The following COL4A2 variants were observed in gnomAD, a reference collection of about 807,000 sequenced individuals.
COL4A2 encodes collagen alpha-2(IV) chain.
COL4A2 carries 99 observed loss-of-function variants against 200.2 expected under a neutral mutation model. That is an observed-to-expected ratio of 0.49 (90% CI 0.42 to 0.58). The LOEUF is 0.58. Ranked by LOEUF, COL4A2 falls within the 20% of genes least tolerant of loss-of-function variation. COL4A2 has a pLI of 0.00. For synonymous variants in COL4A2, 897 were observed against 900.6 expected (o/e 1.00, Z 0.07); for missense variants, 1,950 against 2,314.1 (o/e 0.84, Z 3.23).
chr13:110,460,254 A>G (rs888536931), intron 22 of COL4A2, among the ~76,000 whole-genome samples: 5 of 152,182 alleles, frequency 3.3e-5, no homozygotes, highest in African/African-American at 4.8e-5. Context: ...CAACTGCTTC[A>G]TGGCACGGAG....
At chr13:110,346,711 G>A (rs959840912) in intron 3 of COL4A2, among the ~76,000 whole-genome samples, 2 of 151,732 alleles carry the variant, frequency 1.3e-5, no homozygotes, top group Non-Finnish European at 2.9e-5. Flanking sequence ...GACGGCTGAC[G>A]ACGGCCCCAC....
rs886049968 is a variant in COL4A2 at position 110,428,462 on chromosome 13, C to T, written c.361-5C>T. 1.3e-6 allele frequency: 2 copies of T among 1,562,348 alleles called. No individual in the cohort carries two copies. The highest frequency in any genetic ancestry group is 3.4e-4 in the Middle Eastern group (2 of 5,930). ...GGCTGATTCTCTCACTGCTCTCTTT[C>T]CCAGGGACACCCGGGGCAAGGTGGG... On this transcript the variant is annotated splice_polypyrimidine_tract_variant and splice_region_variant and intron_variant, in intron 6 of 47. Coordinates refer to ENST00000360467, the MANE Select transcript of COL4A2 (RefSeq NM_001846.4).
chr13:110,389,957 C>T (rs1176583581), intron 4 of COL4A2, among the ~76,000 whole-genome samples: 2 of 151,872 alleles, frequency 1.3e-5, no homozygotes, highest in Non-Finnish European at 2.9e-5. Context: ...TTCCTAAGTT[C>T]GATAATAGCA....
intron 4 of COL4A2, among the ~76,000 whole-genome samples, chr13:110,422,166 A>C (rs1034352203): frequency 4.6e-5 from 7 of 152,230 alleles, no homozygotes; most frequent in African/African-American, 1.7e-4. Context: ...GCAGGCCTCA[A>C]CATAGTGAGG....
At chr13:110,390,038 G>A (rs1011337212) in intron 4 of COL4A2, among the ~76,000 whole-genome samples, 7 of 152,178 alleles carry the variant, frequency 4.6e-5, no homozygotes, top group African/African-American at 1.4e-4. Context: ...ATTGGCATGG[G>A]ATGATTTAAG....
At chr13:110,393,004 TCA>T (rs1179347263) in intron 4 of COL4A2, among the ~76,000 whole-genome samples, 1 of 152,222 alleles carries the variant, frequency 6.6e-6, no homozygotes, top group Non-Finnish European at 1.5e-5. Flanking sequence ...GAGCGAGAAC[TCA>T]CAGTGATTCA....
In COL4A2 at chr13:110,326,915, T is replaced by A. The variant is rs1594147740; in HGVS notation, c.99+18792T>A. Among the ~76,000 whole-genome samples, 4 of 152,256 alleles carry A rather than the reference T, an allele frequency of 2.6e-5. No individual in the cohort carries two copies. In the East Asian group the frequency reaches 7.7e-4, roughly 29 times the overall value. On this transcript the variant is annotated intron_variant, in intron 3 of 47. Transcript: ENST00000360467. The stretch of plus-strand genomic sequence containing the variant: ...CCCGCTCAAGAGCGTGACCACTTTG[T>A]GACCTGATCAAAGATAGACAATAAG...
intron 12 of COL4A2, 87 bp from the exon 13 acceptor site, chr13:110,436,176 AAACTGC>A: frequency 6.4e-7 from 1 of 1,573,032 alleles, no homozygotes; most frequent in East Asian, 2.2e-5. Context: ...GCAAACATTA[AAACTGC>A]AGTATTTTGG....
At chr13:110,381,146 T>TGGGCTCTATCTCACATCCAC (rs1314771698) in intron 4 of COL4A2, among the ~76,000 whole-genome samples, 1 of 140,918 alleles carries the variant, frequency 7.1e-6, no homozygotes, top group Admixed American at 7.1e-5. Flanking sequence ...CTCACACCCA[T>TGGGCTCTATCTCACATCCAC]GGGCTCTATC....
chr13:110,409,687 C>T (rs1019181855), intron 4 of COL4A2, among the ~76,000 whole-genome samples: 1 of 152,254 alleles, frequency 6.6e-6, no homozygotes, highest in African/African-American at 2.4e-5. Flanking sequence ...ACTTGGTTTC[C>T]TCTCACCCAG....
Position 110,359,880 on chromosome 13 carries a change from C to A in COL4A2, c.180+2328C>A, listed in dbSNP as rs375857555. Among the ~76,000 whole-genome samples the A allele has an allele frequency of 1.3e-4, 20 of 152,346 alleles. No individual in the cohort carries two copies. The South Asian group carries it at 2.5e-3, about 19-fold the overall frequency. On this transcript the variant is annotated intron_variant, in intron 4 of 47. Transcript: ENST00000360467. ...CTCCCATCTCTCCACCTGCTGCATT[C>A]ATCATTAGTTGCACTTCTCAAAACA...
intron 31 of COL4A2, 144 bp from the exon 32 acceptor site, chr13:110,482,372 G>C: frequency 1.2e-6 from 1 of 845,072 alleles, no homozygotes. Flanking sequence ...TTGCTTAGAA[G>C]ATGGTGTCCC....
chr13:110,332,471 C>A (rs886097588), intron 3 of COL4A2, among the ~76,000 whole-genome samples: 2 of 152,174 alleles, frequency 1.3e-5, no homozygotes, highest in Admixed American at 1.3e-4. Flanking sequence ...AACACAAGTT[C>A]GTTCTCCTGT....
chr13:110,439,717 C>T, intron 15 of COL4A2, 72 bp from the exon 16 acceptor site: 15 of 1,608,106 alleles, frequency 9.3e-6, no homozygotes, highest in Non-Finnish European at 1.3e-5. Context: ...CAGCCAGGTG[C>T]CGTAGTCAAG....
In COL4A2 at chr13:110,432,363, A is replaced by T. The variant is rs1880714340; in HGVS notation, c.684+3A>T. The T allele has an allele frequency of 1.2e-6, 2 of 1,607,216 alleles. No individual in the cohort carries two copies. The highest frequency in any genetic ancestry group is 1.7e-6 in the Non-Finnish European group (2 of 1,176,924). ...CCCCTGGACCAAAAGGACAGCAAGTAAGTTGGTTTTGGGGGGTGAGGATGA... is the reference window on the plus strand; with the variant it reads ...CCCCTGGACCAAAAGGACAGCAAGTTAGTTGGTTTTGGGGGGTGAGGATGA... On this transcript the variant is annotated splice_donor_region_variant and intron_variant, in intron 11 of 47. Transcript: ENST00000360467.
At chr13:110,477,961 T>C in intron 29 of COL4A2, 42 bp from the exon 30 acceptor site, 1 of 1,506,910 alleles carries the variant, frequency 6.6e-7, no homozygotes, top group Non-Finnish European at 8.9e-7. Flanking sequence ...TGATGAACAG[T>C]CCAGAGTTGG....
intron 34 of COL4A2, among the ~76,000 whole-genome samples, chr13:110,488,788 G>A (rs1439244190): frequency 6.6e-6 from 1 of 152,202 alleles, no homozygotes; most frequent in Non-Finnish European, 1.5e-5. Flanking sequence ...CCATGTGCAC[G>A]CGGGAAAGCA....
intron 4 of COL4A2, among the ~76,000 whole-genome samples, chr13:110,414,351 A>G (rs1273739074): frequency 6.6e-6 from 1 of 152,258 alleles, no homozygotes; most frequent in Non-Finnish European, 1.5e-5. Flanking sequence ...AAAAATACAT[A>G]TATAAATTCT....
chr13:110,505,125 C>T (rs375264039), intron 45 of COL4A2, among the ~76,000 whole-genome samples: 2,971 of 150,644 alleles, frequency 0.02, 43 homozygotes, highest in Middle Eastern at 0.044. Context: ...CTGAGGTGGG[C>T]GGATCACAAG....
Sources: gnomAD v4.1 joint callset for allele counts (sites outside exome capture counted in the v4.1 genomes callset) on GRCh38, gnomAD v4.1.1 for gene constraint, MANE v1.5 for transcripts, NCBI Gene and HGNC (gene_info 2026-07-23, HGNC 2026-07-21) for gene names.